LOXL2: variants seen among roughly 807,000 people sequenced by gnomAD.
LOXL2 encodes lysyl oxidase like 2.
Under a neutral mutation model 93.0 loss-of-function variants are expected in LOXL2, and 70 were observed. The observed-to-expected ratio is 0.75, with a 90% CI of 0.62 to 0.92. The LOEUF (loss-of-function observed/expected upper bound fraction) is 0.92, where lower values mean the gene tolerates loss of function less well. Among genes scored for constraint, LOXL2 ranks in the 40% least tolerant of loss-of-function variants. The pLI is 0.00. For synonymous variants in LOXL2, 438 were observed against 413.2 expected, an observed-to-expected ratio of 1.06 and a Z score of -0.73; for missense variants, 973 against 1,054.9, an observed-to-expected ratio of 0.92 and a Z score of 1.08.
At chr8:23,361,218 C>T (rs1221584541) in intron 2 of LOXL2, among the ~76,000 whole-genome samples, 1 of 152,064 alleles carries the variant, frequency 6.6e-6, no homozygotes, top group Non-Finnish European at 1.5e-5. Context: ...GTTTTTAAGG[C>T]ATTTTCACAT....
At chr8:23,402,779 G>GAAAA (rs1016084670) in intron 1 of LOXL2, 201 of 138,648 alleles carry the variant, frequency 1.4e-3, no homozygotes, top group African/African-American at 5.2e-3. Flanking sequence ...TCCTCTGGGA[G>GAAAA]AAAAAAAAAA....
intron 1 of LOXL2, among the ~76,000 whole-genome samples, chr8:23,398,743 T>A (rs1025647670): frequency 6.6e-6 from 1 of 152,166 alleles, no homozygotes; most frequent in Non-Finnish European, 1.5e-5. Context: ...CACTATAGCC[T>A]TGACCTCCTG....
Position 23,371,941 on chromosome 8 carries a change from G to A in LOXL2, c.-83-3507C>T, listed in dbSNP as rs535684189. ...TGTTGTAATCTTTATAGGAATCATT[G>A]TAAGAACCATATACTGAAAGAAAAG... On this transcript the variant is annotated intron_variant, in intron 1 of 13. Coordinates refer to ENST00000389131, the MANE Select transcript of LOXL2 (RefSeq NM_002318.3). Among the ~76,000 whole-genome samples, 576 of 151,976 alleles carry A rather than the reference G, an allele frequency of 3.8e-3. 3 individuals are homozygous for A. The highest frequency in any genetic ancestry group is 0.013 in the African/African-American group (548 of 41,442).
At chr8:23,400,008 G>C (rs1440378107) in intron 1 of LOXL2, among the ~76,000 whole-genome samples, 1 of 152,218 alleles carries the variant, frequency 6.6e-6, no homozygotes, top group Non-Finnish European at 1.5e-5. Flanking sequence ...CTGTTTCAAA[G>C]CAACAAGCGT....
chr8:23,388,880 G>A (rs1804803863), intron 1 of LOXL2, among the ~76,000 whole-genome samples: 1 of 152,074 alleles, frequency 6.6e-6, no homozygotes, highest in Admixed American at 6.6e-5. Context: ...GCTGAGAGCT[G>A]GGGAAGAGGG....
chr8:23,377,868 A>G (rs1047765558), intron 1 of LOXL2, among the ~76,000 whole-genome samples: 2 of 152,134 alleles, frequency 1.3e-5, no homozygotes, highest in African/African-American at 4.8e-5. Flanking sequence ...AATACAGCAC[A>G]CTGATGGGTC....
chr8:23,332,650 C>T (rs1017521810), intron 5 of LOXL2, among the ~76,000 whole-genome samples: 64 of 114,460 alleles, frequency 5.6e-4, no homozygotes, highest in African/African-American at 1.8e-3. Flanking sequence ...CACACTCACA[C>T]GCTCATACAC....
At chr8:23,311,599 G>A (rs1200224422) in intron 9 of LOXL2, among the ~76,000 whole-genome samples, 1 of 152,236 alleles carries the variant, frequency 6.6e-6, no homozygotes, top group Non-Finnish European at 1.5e-5. Flanking sequence ...AGCCTGAGAT[G>A]TGCAATCTCA....
intron 3 of LOXL2, among the ~76,000 whole-genome samples, chr8:23,347,654 A>C (rs1333126929): frequency 3.3e-5 from 5 of 152,144 alleles, no homozygotes; most frequent in Non-Finnish European, 5.9e-5. Context: ...CGTTTCAAAA[A>C]AATATAAATA....
intron 4 of LOXL2, among the ~76,000 whole-genome samples, 178 bp downstream of exon 4, chr8:23,340,814 G>A (rs1349122284): frequency 6.6e-6 from 1 of 152,154 alleles, no homozygotes; most frequent in Admixed American, 6.5e-5. Context: ...GATGCCACGG[G>A]GCACCCTTGA....
intron 1 of LOXL2, among the ~76,000 whole-genome samples, chr8:23,394,008 C>T (rs1459849793): frequency 6.6e-6 from 1 of 152,146 alleles, no homozygotes; most frequent in Non-Finnish European, 1.5e-5. Flanking sequence ...AGATAACCCA[C>T]AGAATGGGAG....
intron 9 of LOXL2, among the ~76,000 whole-genome samples, chr8:23,311,249 C>T (rs1803315613): frequency 6.6e-6 from 1 of 152,176 alleles, no homozygotes; most frequent in Non-Finnish European, 1.5e-5. Flanking sequence ...AGCTGGCATC[C>T]TCTAGAGAGC....
At position 23,380,643 on chromosome 8, in the gene LOXL2, T is replaced by G. The variant is rs181973247; in HGVS notation, c.-83-12209A>C. On this transcript the variant is annotated intron_variant, in intron 1 of 13. Transcript: ENST00000389131. Reference sequence around the variant, plus strand: ...TTAAAAATTACTCTTAAAGTTTTTTTTTGTTGTTGTTGTTCTTTATAGTGA... The same window carrying G: ...TTAAAAATTACTCTTAAAGTTTTTTGTTGTTGTTGTTGTTCTTTATAGTGA... Among the ~76,000 whole-genome samples, 96 of 152,272 alleles carry G rather than the reference T, an allele frequency of 6.3e-4. No individual in the cohort carries two copies. The East Asian group carries it at 9.1e-3, about 14-fold the overall frequency.
intron 1 of LOXL2, among the ~76,000 whole-genome samples, chr8:23,369,356 C>T (rs966314351): frequency 1.3e-5 from 2 of 152,054 alleles, no homozygotes; most frequent in South Asian, 2.1e-4. Flanking sequence ...AAAGAGGAGA[C>T]GATTTTAAAA....
intron 2 of LOXL2, among the ~76,000 whole-genome samples, chr8:23,366,916 A>T (rs934286365): frequency 6.6e-6 from 1 of 152,234 alleles, no homozygotes; most frequent in Non-Finnish European, 1.5e-5. Context: ...CAGATGGGGA[A>T]AATGAGGCTG....
At chr8:23,381,952 C>A (rs1257868694) in intron 1 of LOXL2, among the ~76,000 whole-genome samples, 1 of 152,242 alleles carries the variant, frequency 6.6e-6, no homozygotes, top group Non-Finnish European at 1.5e-5. Context: ...TGGATAATAA[C>A]AGGAGATGCA....
chr8:23,358,682 G>T (rs760378068), intron 3 of LOXL2, among the ~76,000 whole-genome samples: 1 of 152,082 alleles, frequency 6.6e-6, no homozygotes, highest in Non-Finnish European at 1.5e-5. Flanking sequence ...GAATTTGCTG[G>T]AAAGCTAACC....
At chr8:23,346,618 G>T (rs1803991417) in intron 3 of LOXL2, among the ~76,000 whole-genome samples, 1 of 152,240 alleles carries the variant, frequency 6.6e-6, no homozygotes, top group African/African-American at 2.4e-5. Flanking sequence ...TGTCGCCAAT[G>T]AGGAAAAATC....
Position 23,333,486 on chromosome 8 carries a change from C to T in LOXL2, c.881G>A (p.Gly294Glu), listed in dbSNP as rs531033226. 1.1e-4 allele frequency: 185 copies of T among 1,614,020 alleles called. 3 individuals are homozygous for T. The South Asian group carries it at 1.9e-3, about 17-fold the overall frequency. The change falls in exon 5 of 14, where the codon GGG becomes GAG. Residue 294 changes from glycine (G) to glutamate (E), a missense_variant. Transcript: ENST00000389131. ...CACACAACTCACCACGGCCGGTAGCCCATTCTCGCAGGTGACATTCTTCAT... is the reference window on the plus strand; with the variant it reads ...CACACAACTCACCACGGCCGGTAGCTCATTCTCGCAGGTGACATTCTTCAT... The part of the protein sequence containing the change: ...DPMKNVTCEN[G>E]LPAVVSCVPG...
Sources: allele counts gnomAD v4.1 joint callset (sites outside exome capture counted in the v4.1 genomes callset), GRCh38; gene constraint gnomAD v4.1.1; transcripts MANE v1.5; gene names NCBI Gene and HGNC (gene_info 2026-07-23, HGNC 2026-07-21).